GABBR1: variants seen among roughly 807,000 people sequenced by gnomAD.
The protein encoded by GABBR1 is GABA-B receptor, R1 subunit.
In GABBR1, 35 loss-of-function variants were observed where a neutral mutation model predicts 117.7. That is an observed-to-expected ratio of 0.30 (90% CI 0.23 to 0.39). The LOEUF is 0.39. GABBR1 is among the 10% of genes least tolerant of loss of function. The pLI is 1.00. For missense variants in GABBR1, 709 were observed against 1,241.8 expected (o/e 0.57, Z 6.45); for synonymous variants, 442 against 486.6 (o/e 0.91, Z 1.21).
intron 22 of GABBR1, among the ~76,000 whole-genome samples, chr6:29,603,940 A>T (rs1174759271): frequency 6.6e-6 from 1 of 152,162 alleles, no homozygotes; most frequent in African/African-American, 2.4e-5. Context: ...CGATCAGGGA[A>T]ATAAGAGAGA....
In GABBR1 at chr6:29,611,436, G is replaced by A. The variant is rs990622922; in HGVS notation, c.1631-435C>T. On this transcript the variant is annotated intron_variant, in intron 13 of 22. Transcript: ENST00000377034. This position sits in a 1 kb window ranked among gnomAD's most constrained non-coding sequence, Gnocchi z 4.6. ...TAGAACATTCTCTTCTGTTGGCTTG[G>A]GTTTTAATTCCTTGGATAAGTTATA... is the stretch of plus-strand genomic sequence containing the variant. Among the ~76,000 whole-genome samples the A allele has an allele frequency of 1.8e-4, 28 of 152,108 alleles. No individual in the cohort carries two copies. Among genetic ancestry groups the A allele is most frequent in the African/African-American group, 6.5e-4 (27 of 41,408 alleles).
In GABBR1 at chr6:29,618,907, C is replaced by A. The variant is rs528465054; in HGVS notation, c.1323+2194G>T. 4.6e-5 allele frequency among the ~76,000 whole-genome samples: 7 copies of A among 152,316 alleles called. No homozygotes were observed. The South Asian group carries it at 1.2e-3, about 27-fold the overall frequency. Reference sequence around the variant, plus strand: ...TGTATCCCTCCCCATCCCCTACCCCCAACTGTAACAACCAAAAATGCCTCC... The same window carrying A: ...TGTATCCCTCCCCATCCCCTACCCCAAACTGTAACAACCAAAAATGCCTCC... On this transcript the variant is annotated intron_variant, in intron 11 of 22. Transcript: ENST00000377034.
chr6:29,615,653 G>A (rs1188274028), intron 11 of GABBR1, among the ~76,000 whole-genome samples: 1 of 149,620 alleles, frequency 6.7e-6, no homozygotes, highest in African/African-American at 2.5e-5. Context: ...GGGGGCTCAC[G>A]CCTGTAATCC....
Position 29,631,160 on chromosome 6 carries a change from T to C in GABBR1, c.289+236A>G, listed in dbSNP as rs1764921924. ...CTGACAAGATGAATTATCAATGTTA[T>C]AGGCCAATGATCAGTGGCCTAATGA... On this transcript the variant is annotated intron_variant, in intron 3 of 22. Transcript: ENST00000377034. The surrounding 1 kb of genome is among the most constrained non-coding windows in gnomAD (Gnocchi z 5.9). Among the ~76,000 whole-genome samples the C allele has an allele frequency of 6.6e-6, 1 of 152,244 alleles. No homozygotes were observed. The highest frequency in any genetic ancestry group is 1.5e-5 in the Non-Finnish European group (1 of 68,036).
chr6:29,604,484 A>AC lies in GABBR1; in HGVS notation c.2712+9dup, dbSNP rs530945200. 106 of 1,611,638 alleles carry AC rather than the reference A, an allele frequency of 6.6e-5. No individual in the cohort carries two copies. The South Asian group carries it at 7.7e-4, about 12-fold the overall frequency. On this transcript the variant is annotated intron_variant, in intron 22 of 22. Coordinates refer to ENST00000377034, the MANE Select transcript of GABBR1 (RefSeq NM_001470.4). The surrounding 1 kb of genome is among the most constrained non-coding windows in gnomAD (Gnocchi z 5.3). ...ACTCCAACACCCTACCCTGACACCC[A>AC]CCCCCGCACCTCAGCAATGATCTTT... is the stretch of plus-strand genomic sequence containing the variant.
intron 11 of GABBR1, among the ~76,000 whole-genome samples, chr6:29,616,574 A>T (rs905017767): frequency 1.5e-4 from 23 of 150,720 alleles, no homozygotes; most frequent in African/African-American, 5.4e-4. Context: ...AATCCCAGCT[A>T]TTCAGAAGGC....
rs117993320 is a variant in GABBR1, at chr6:29,611,476, C to T, written c.1631-475G>A. Among the ~76,000 whole-genome samples the T allele has an allele frequency of 4.1e-3, 623 of 152,280 alleles. 7 individuals carry two copies. The highest frequency in any genetic ancestry group is 0.029 in the East Asian group (149 of 5,180). ...GATAAGTTATATCTGCCTCTTAAAGCGCCATTGAGTAAAATTTGGTCATTT... is the reference window on the plus strand; with the variant it reads ...GATAAGTTATATCTGCCTCTTAAAGTGCCATTGAGTAAAATTTGGTCATTT... On this transcript the variant is annotated intron_variant, in intron 13 of 22. Coordinates refer to ENST00000377034, the MANE Select transcript of GABBR1 (RefSeq NM_001470.4). The surrounding 1 kb of genome is among the most constrained non-coding windows in gnomAD (Gnocchi z 4.6).
At chr6:29,608,486 A>T in intron 16 of GABBR1, 115 bp downstream of exon 16, 1 of 1,120,564 alleles carries the variant, frequency 8.9e-7, no homozygotes, top group South Asian at 1.5e-5. Flanking sequence ...AAGAACAGGG[A>T]CAAGAGTCAG....
At chr6:29,616,108 G>A (rs1484479128) in intron 11 of GABBR1, among the ~76,000 whole-genome samples, 8 of 152,270 alleles carry the variant, frequency 5.3e-5, no homozygotes, top group African/African-American at 1.9e-4. Context: ...GGCTGAGGCA[G>A]GAGAATGGCT....
At position 29,612,532 on chromosome 6, in the gene GABBR1, C is replaced by T; in HGVS notation, c.1630+19G>A. 6.2e-7 allele frequency: 1 copy of T among 1,612,668 alleles called. No homozygotes were observed. Among genetic ancestry groups the T allele is most frequent in the Non-Finnish European group, 8.5e-7 (1 of 1,179,006 alleles). On this transcript the variant is annotated intron_variant, in intron 13 of 22. Coordinates refer to ENST00000377034, the MANE Select transcript of GABBR1 (RefSeq NM_001470.4). ...CAGCCTAGCCCCCATGTCCGGTCCC[C>T]TCCTGCCCCTGTACTAACCCTGAAG...
chr6:29,605,922 T>C lies in GABBR1; in HGVS notation c.2312-226A>G, dbSNP rs1023351738. 5 of 586,136 alleles carry C rather than the reference T, an allele frequency of 8.5e-6. 1 individual carries two copies. Among genetic ancestry groups the C allele is most frequent in the South Asian group, 8.4e-5 (4 of 47,528 alleles). 36.3% of individuals were successfully genotyped at this position (586,136 alleles called of 1,614,324 possible). On this transcript the variant is annotated intron_variant, in intron 19 of 22. Coordinates refer to ENST00000377034, the MANE Select transcript of GABBR1 (RefSeq NM_001470.4). The surrounding 1 kb of genome is among the most constrained non-coding windows in gnomAD (Gnocchi z 4.2). ...TCCTGGGATTCACACAGGAAAGCAA[T>C]GGTGGCAAGCTGCTGTCAGTCAGGC... is the stretch of plus-strand genomic sequence containing the variant.
chr6:29,609,249 G>A lies in GABBR1; in HGVS notation c.1839C>T (p.Asn613=). ...IVLAVVCLSF[N]IYNSHVRYIQ... is the part of the protein sequence containing the mutation. Reference sequence around the variant, plus strand: ...CTTACCGGACATGTGAGTTGTAGATGTTAAAGGACAGACAGACAACAGCTA... The same window carrying A: ...CTTACCGGACATGTGAGTTGTAGATATTAAAGGACAGACAGACAACAGCTA... Residue 613 remains asparagine, a synonymous_variant, in exon 15 of 23, where the codon AAC becomes AAT. Coordinates refer to ENST00000377034, the MANE Select transcript of GABBR1 (RefSeq NM_001470.4). This position sits in a 1 kb window ranked among gnomAD's most constrained non-coding sequence, Gnocchi z 4.3. 6.2e-7 allele frequency: 1 copy of A among 1,613,058 alleles called. No homozygotes were observed. The highest frequency in any genetic ancestry group is 8.5e-7 in the Non-Finnish European group (1 of 1,180,008).
At chr6:29,614,982 A>AAAAG (rs9280622) in intron 11 of GABBR1, among the ~76,000 whole-genome samples, 1,751 of 10,642 alleles carry the variant, frequency 0.16, 19 homozygotes, top group African/African-American at 0.26. Context: ...AAAACTGCTC[A>AAAAG]AAAAAAAAAA....
At position 29,632,533 on chromosome 6, in the gene GABBR1, G is replaced by A. The variant is rs1472716600; in HGVS notation, c.1-148C>T. 5 of 889,374 alleles carry A rather than the reference G, an allele frequency of 5.6e-6. No homozygotes were observed. The highest frequency in any genetic ancestry group is 8.0e-5 in the Admixed American group (2 of 25,092). 55.1% of individuals were successfully genotyped at this position (889,374 alleles called of 1,614,324 possible). On this transcript the variant is annotated intron_variant, in intron 1 of 22. Coordinates refer to ENST00000377034, the MANE Select transcript of GABBR1 (RefSeq NM_001470.4). This position sits in a 1 kb window ranked among gnomAD's most constrained non-coding sequence, Gnocchi z 5.8. ...AGAGCGCCCCGCGGAGGAGGCGGGG[G>A]CGGAGCCCCGCGCGGGGTGGGGGGA...
In GABBR1 at chr6:29,613,744, A is replaced by G. The variant is rs1455421404; in HGVS notation, c.1324-259T>C. The stretch of plus-strand genomic sequence containing the variant: ...GTTGCTAGCTCAGAACTGCAAACAG[A>G]GAATTTTGACAAACACTCTGGATAA... On this transcript the variant is annotated intron_variant, in intron 11 of 22. Coordinates refer to ENST00000377034, the MANE Select transcript of GABBR1 (RefSeq NM_001470.4). The surrounding 1 kb of genome is among the most constrained non-coding windows in gnomAD (Gnocchi z 4.1). 6.6e-6 allele frequency among the ~76,000 whole-genome samples: 1 copy of G among 152,244 alleles called. No individual in the cohort carries two copies. Among genetic ancestry groups the G allele is most frequent in the Non-Finnish European group, 1.5e-5 (1 of 68,036 alleles).
Position 29,631,684 on chromosome 6 carries a change from T to A in GABBR1, c.86-85A>T. The stretch of plus-strand genomic sequence containing the variant: ...CTCCCCAGTGGGAGGAAGGGGAGAG[T>A]AGGGCGTGGTCTGTGGGCAGGCTGG... On this transcript the variant is annotated intron_variant, in intron 2 of 22. Transcript: ENST00000377034. This position sits in a 1 kb window ranked among gnomAD's most constrained non-coding sequence, Gnocchi z 5.9. 1.6e-6 allele frequency: 2 copies of A among 1,221,784 alleles called. No homozygotes were observed. Among genetic ancestry groups the A allele is most frequent in the Non-Finnish European group, 2.4e-6 (2 of 837,618 alleles). 75.7% of individuals were successfully genotyped at this position (1,221,784 alleles called of 1,614,324 possible).
rs988056338 is a variant in GABBR1 at position 29,613,438 on chromosome 6, G to A, written c.1371C>T (p.His457=). The change falls in exon 12 of 23, where the codon CAC becomes CAT. Residue 457 remains histidine, a synonymous_variant. Transcript: ENST00000377034. This position sits in a 1 kb window ranked among gnomAD's most constrained non-coding sequence, Gnocchi z 4.1. ...CCTGGAAGCCTCCTGTCTCCTCAGG[G>A]TGTCTTTTCAGTCGCTTGGTTAGTT... ...VEKLTKRLKR[H]PEETGGFQEA... 2 of 1,613,092 alleles carry A rather than the reference G, an allele frequency of 1.2e-6. No individual in the cohort carries two copies. Among genetic ancestry groups the A allele is most frequent in the Admixed American group, 3.3e-5 (2 of 60,032 alleles).
chr6:29,603,053 TGA>T lies in GABBR1; in HGVS notation c.*488_*489del. 2 of 456,958 alleles carry T rather than the reference TGA, an allele frequency of 4.4e-6. No individual in the cohort carries two copies. The allele number at this position is 456,958 out of a possible 1,614,324, so 28.3% of individuals were successfully genotyped here. A position where few individuals can be genotyped will look rare whatever the true frequency, so the allele number is the denominator to read the frequency against. ...AGCAAAATTCAGGGGGAGCCACATGTGAGAAAGTATAGAAGGGCAAGTAAGAT... is the reference window on the plus strand; with the variant it reads ...AGCAAAATTCAGGGGGAGCCACATGTGAAAGTATAGAAGGGCAAGTAAGAT... On this transcript the variant is annotated 3_prime_UTR_variant, in exon 23 of 23. Coordinates refer to ENST00000377034, the MANE Select transcript of GABBR1 (RefSeq NM_001470.4).
In GABBR1 at chr6:29,604,449, C is replaced by T. The variant is rs1167506732; in HGVS notation, c.2712+45G>A. On this transcript the variant is annotated intron_variant, in intron 22 of 22. Coordinates refer to ENST00000377034, the MANE Select transcript of GABBR1 (RefSeq NM_001470.4). The surrounding 1 kb of genome is among the most constrained non-coding windows in gnomAD (Gnocchi z 5.3). Reference sequence around the variant, plus strand: ...AGACAACCCAAGCTAAGACGCAAGCCTCCTGGACCACTCCAACACCCTACC... The same window carrying T: ...AGACAACCCAAGCTAAGACGCAAGCTTCCTGGACCACTCCAACACCCTACC... The T allele has an allele frequency of 3.1e-6, 5 of 1,612,386 alleles. No individual in the cohort carries two copies. The highest frequency in any genetic ancestry group is 4.2e-6 in the Non-Finnish European group (5 of 1,179,330).
Sources: allele counts gnomAD v4.1 joint callset (sites outside exome capture counted in the v4.1 genomes callset), GRCh38; gene constraint gnomAD v4.1.1; non-coding constraint Gnocchi (gnomAD v3.1); transcripts MANE v1.5; gene names NCBI Gene and HGNC (gene_info 2026-07-23, HGNC 2026-07-21).